SRGAP3: variants seen among roughly 807,000 people sequenced by gnomAD.
SRGAP3 encodes SLIT-ROBO Rho GTPase activating protein 3.
Under a neutral mutation model 121.1 loss-of-function variants are expected in SRGAP3, and 39 were observed. The ratio of observed to expected loss-of-function variants is 0.32; its 90% CI spans 0.25 to 0.42. SRGAP3 has a LOEUF of 0.42. SRGAP3 is among the 10% of genes least tolerant of loss of function. The pLI is 1.00. For missense variants in SRGAP3, 1,213 were observed against 1,470.6 expected (o/e 0.82, Z 2.86); for synonymous variants, 601 against 570.0 (o/e 1.05, Z -0.77).
At chr3:9,188,581 T>C (rs1951666557) in intron 1 of SRGAP3, among the ~76,000 whole-genome samples, 1 of 152,210 alleles carries the variant, frequency 6.6e-6, no homozygotes, top group African/African-American at 2.4e-5. Flanking sequence ...ACACCAGGGC[T>C]AGGAGAGCTC....
Position 9,050,897 on chromosome 3 carries a change from G to A in SRGAP3, c.1323+2130C>T, listed in dbSNP as rs78318757. The stretch of plus-strand genomic sequence containing the variant: ...TGTTGGAGAAAATGTAGTGTGTATC[G>A]ACTACTGGTTTTTGACAAGGGATTT... On this transcript the variant is annotated intron_variant, in intron 9 of 21. Transcript: ENST00000383836. 2.3e-3 allele frequency among the ~76,000 whole-genome samples: 346 copies of A among 152,192 alleles called. 1 individual carries two copies. The highest frequency in any genetic ancestry group is 4.1e-3 in the South Asian group (20 of 4,820).
At chr3:9,260,590 C>G (rs1243689301) in intron 3 of SRGAP3, among the ~76,000 whole-genome samples, 4 of 152,236 alleles carry the variant, frequency 2.6e-5, no homozygotes, top group African/African-American at 4.8e-5. Context: ...AGCCAGACTG[C>G]CTCTCTAGAT....
intron 1 of SRGAP3, among the ~76,000 whole-genome samples, chr3:9,347,471 C>T (rs188680680): frequency 4.4e-4 from 67 of 152,290 alleles, no homozygotes; most frequent in Middle Eastern, 6.8e-3. Context: ...AGCAGGGCTA[C>T]GAGGTCTGAG....
Position 9,037,940 on chromosome 3 carries a change from C to T in SRGAP3, c.1436+123G>A, listed in dbSNP as rs994704310. On this transcript the variant is annotated intron_variant, in intron 11 of 21. Coordinates refer to ENST00000383836, the MANE Select transcript of SRGAP3 (RefSeq NM_014850.4). ...CCTCACCTGGGCACACCCACACCGGCCCTTGGGGACATTGGTGAAGAAGCC... is the reference window on the plus strand; with the variant it reads ...CCTCACCTGGGCACACCCACACCGGTCCTTGGGGACATTGGTGAAGAAGCC... 7.6e-6 allele frequency: 10 copies of T among 1,322,802 alleles called. No individual in the cohort carries two copies. The African/African-American group carries it at 1.5e-4, about 19-fold the overall frequency. 81.9% of individuals were successfully genotyped at this position (1,322,802 alleles called of 1,614,324 possible).
At chr3:9,206,416 A>G (rs1952267853) in intron 1 of SRGAP3, among the ~76,000 whole-genome samples, 1 of 152,176 alleles carries the variant, frequency 6.6e-6, no homozygotes, top group Non-Finnish European at 1.5e-5. Context: ...GGCTTCCCAC[A>G]TGAAACTTCT....
At chr3:9,246,315 G>T (rs940419523) in intron 1 of SRGAP3, among the ~76,000 whole-genome samples, 4 of 152,198 alleles carry the variant, frequency 2.6e-5, no homozygotes, top group Non-Finnish European at 5.9e-5. Flanking sequence ...AGGGAGAAAG[G>T]TAATTGGCCT....
rs557835047 is a variant in SRGAP3 at position 9,260,236 on chromosome 3, C to A, written n.442+65774G>T. Among the ~76,000 whole-genome samples, 7 of 152,256 alleles carry A rather than the reference C, an allele frequency of 4.6e-5. No individual in the cohort carries two copies. The South Asian group carries it at 1.5e-3, about 32-fold the overall frequency. On this transcript the variant is annotated intron_variant and non_coding_transcript_variant, in intron 3 of 3. Transcript: ENST00000490889. Reference sequence around the variant, plus strand: ...AAAAATGGGTGGCAATTTGGGCAGACACTGAGCTAGCTGCAGGAGTTTTTT... The same window carrying A: ...AAAAATGGGTGGCAATTTGGGCAGAAACTGAGCTAGCTGCAGGAGTTTTTT...
chr3:9,311,886 C>G (rs977957275), intron 3 of SRGAP3, among the ~76,000 whole-genome samples: 1 of 152,198 alleles, frequency 6.6e-6, no homozygotes, highest in African/African-American at 2.4e-5. Context: ...TGTGTCAAAT[C>G]TCTGCTGATA....
At chr3:8,986,497 A>G (rs745455712) in intron 21 of SRGAP3, among the ~76,000 whole-genome samples, 1 of 152,272 alleles carries the variant, frequency 6.6e-6, no homozygotes, top group African/African-American at 2.4e-5. Flanking sequence ...GGTAGGAACT[A>G]CCTTTATGCT....
chr3:9,066,747 C>T (rs764783255), intron 4 of SRGAP3, among the ~76,000 whole-genome samples: 9 of 152,236 alleles, frequency 5.9e-5, no homozygotes, highest in Non-Finnish European at 1.3e-4. Flanking sequence ...GATCCTCCCG[C>T]CTTGACCTCC....
intron 1 of SRGAP3, among the ~76,000 whole-genome samples, chr3:9,198,351 T>C (rs916977004): frequency 6.6e-6 from 1 of 152,194 alleles, no homozygotes; most frequent in African/African-American, 2.4e-5. Context: ...AAGGAAGACA[T>C]CTTCTTCTTC....
intron 1 of SRGAP3, among the ~76,000 whole-genome samples, chr3:9,180,308 C>T (rs1951336378): frequency 6.6e-6 from 1 of 152,174 alleles, no homozygotes. Flanking sequence ...CTGTTTGGTT[C>T]CCACCCACAG....
intron 1 of SRGAP3, among the ~76,000 whole-genome samples, chr3:9,202,761 T>C (rs576581420): frequency 6.6e-6 from 1 of 152,384 alleles, no homozygotes; most frequent in South Asian, 2.1e-4. Context: ...CTTCTAGTGT[T>C]GTCCCTGCTG....
At chr3:9,280,970 T>TGGG (rs143078938) in intron 3 of SRGAP3, among the ~76,000 whole-genome samples, 2 of 151,550 alleles carry the variant, frequency 1.3e-5, no homozygotes, top group African/African-American at 4.9e-5. Flanking sequence ...CCTGAATTGT[T>TGGG]GGGGGTGGTG....
At chr3:9,017,918 G>A (rs972175445) in intron 14 of SRGAP3, among the ~76,000 whole-genome samples, 5 of 151,996 alleles carry the variant, frequency 3.3e-5, no homozygotes, top group African/African-American at 2.4e-5. Context: ...GCTAAGTATC[G>A]TCACCCTATT....
At chr3:9,309,791 C>A (rs1216310662) in intron 3 of SRGAP3, among the ~76,000 whole-genome samples, 1 of 151,984 alleles carries the variant, frequency 6.6e-6, no homozygotes, top group South Asian at 2.1e-4. Context: ...CATGGGAGGT[C>A]GAGGCTGCAG....
At chr3:9,335,538 C>T (rs1281695450) in intron 1 of SRGAP3, among the ~76,000 whole-genome samples, 1 of 152,186 alleles carries the variant, frequency 6.6e-6, no homozygotes, top group African/African-American at 2.4e-5. Context: ...GGAGCCATAT[C>T]AGGCTCATTT....
chr3:8,992,679 C>A, intron 20 of SRGAP3: 1 of 646,254 alleles, frequency 1.5e-6, no homozygotes, highest in Non-Finnish European at 2.7e-6. Context: ...ACTGGGTTCC[C>A]AACACATGTC....
At chr3:9,023,137 G>A (rs764155821) in intron 14 of SRGAP3, among the ~76,000 whole-genome samples, 15 of 152,186 alleles carry the variant, frequency 9.9e-5, no homozygotes, top group Non-Finnish European at 1.5e-4. Context: ...TTGCCAGGCT[G>A]GAGGCACCAT....
Sources: allele counts gnomAD v4.1 joint callset (sites outside exome capture counted in the v4.1 genomes callset), GRCh38; gene constraint gnomAD v4.1.1; transcripts MANE v1.5; gene names NCBI Gene and HGNC (gene_info 2026-07-23, HGNC 2026-07-21).